Variants in MYO16 observed in about 807,000 individuals in gnomAD.
MYO16 encodes unconventional myosin-XVI.
Under a neutral mutation model 205.3 loss-of-function variants are expected in MYO16, and 94 were observed. The ratio of observed to expected loss-of-function variants is 0.46; its 90% CI spans 0.39 to 0.54. MYO16 has a LOEUF of 0.54. Ranked by LOEUF, MYO16 falls within the 20% of genes least tolerant of loss-of-function variation. The pLI is 0.00. For synonymous variants in MYO16, 988 were observed against 954.0 expected, an observed-to-expected ratio of 1.04 and a Z score of -0.66; for missense variants, 2,315 against 2,387.5, an observed-to-expected ratio of 0.97 and a Z score of 0.63.
intron 34 of MYO16, among the ~76,000 whole-genome samples, chr13:109,204,773 T>C (rs962871682): frequency 1.3e-5 from 2 of 152,204 alleles, no homozygotes; most frequent in African/African-American, 2.4e-5. Flanking sequence ...TTGGCCAGAT[T>C]ACCTGACTGC....
chr13:108,855,579 G>A (rs1307824094), intron 11 of MYO16, 26 bp downstream of exon 11: 19 of 1,459,814 alleles, frequency 1.3e-5, no homozygotes, highest in Non-Finnish European at 1.8e-5. Context: ...ATTGCCTTTT[G>A]CACTGTTTTT....
At chr13:108,982,475 C>A (rs1884478872) in intron 20 of MYO16, among the ~76,000 whole-genome samples, 1 of 152,044 alleles carries the variant, frequency 6.6e-6, no homozygotes, top group African/African-American at 2.4e-5. Flanking sequence ...CTAATAAAAG[C>A]ATAATAAGTT....
At chr13:109,186,633 A>AC (rs1566554470) in intron 34 of MYO16, among the ~76,000 whole-genome samples, 1 of 148,448 alleles carries the variant, frequency 6.7e-6, no homozygotes, top group Non-Finnish European at 1.5e-5. Flanking sequence ...CACACACACA[A>AC]ACACACACAA....
chr13:108,818,456 A>G (rs1875767427), intron 7 of MYO16, among the ~76,000 whole-genome samples: 1 of 149,282 alleles, frequency 6.7e-6, no homozygotes, highest in Non-Finnish European at 1.5e-5. Flanking sequence ...TAATAAATAA[A>G]AATAAAAAAG....
At chr13:109,159,811 C>A (rs76685315) in intron 32 of MYO16, among the ~76,000 whole-genome samples, 1 of 152,158 alleles carries the variant, frequency 6.6e-6, no homozygotes, top group East Asian at 1.9e-4. Flanking sequence ...CTGACAGGGC[C>A]GGGAAGGCAA....
chr13:108,642,991 G>A (rs1027179006), intron 1 of MYO16, among the ~76,000 whole-genome samples: 8 of 151,960 alleles, frequency 5.3e-5, no homozygotes, highest in African/African-American at 1.9e-4. Flanking sequence ...GGTCTATTTT[G>A]TTAAGTCAGG....
At chr13:109,039,584 C>T (rs917008900) in intron 23 of MYO16, among the ~76,000 whole-genome samples, 2 of 152,058 alleles carry the variant, frequency 1.3e-5, no homozygotes, top group Non-Finnish European at 2.9e-5. Context: ...CTTAACAGTG[C>T]CCTTCCAAAT....
chr13:108,583,876 A>G, the MYO16 span, among the ~76,000 whole-genome samples: 1 of 152,230 alleles, frequency 6.6e-6, no homozygotes, highest in East Asian at 1.9e-4. Context: ...AACTGTTTTG[A>G]AAAGACATTA....
At chr13:108,818,422 G>C (rs936535723) in intron 7 of MYO16, among the ~76,000 whole-genome samples, 1 of 145,624 alleles carries the variant, frequency 6.9e-6, no homozygotes, top group Non-Finnish European at 1.5e-5. Context: ...ATAAAAAAGA[G>C]AGAGATTAAT....
intron 15 of MYO16, among the ~76,000 whole-genome samples, chr13:108,907,462 C>A (rs757860658): frequency 3.3e-5 from 5 of 152,178 alleles, no homozygotes; most frequent in Non-Finnish European, 7.4e-5. Context: ...TGAACACTTA[C>A]ATGAATGCGT....
At chr13:108,925,206 T>TTAAGA (rs1881938835) in intron 16 of MYO16, among the ~76,000 whole-genome samples, 1 of 152,196 alleles carries the variant, frequency 6.6e-6, no homozygotes, top group African/African-American at 2.4e-5. Flanking sequence ...TGGGCATCCT[T>TTAAGA]TAAGATGTTT....
At chr13:108,558,797 C>T in the MYO16 span, among the ~76,000 whole-genome samples, 1 of 152,180 alleles carries the variant, frequency 6.6e-6, no homozygotes, top group South Asian at 2.1e-4. Context: ...AAACTCTAGG[C>T]AGGTGTAATA....
At chr13:108,580,870 T>C in the MYO16 span, among the ~76,000 whole-genome samples, 1 of 152,182 alleles carries the variant, frequency 6.6e-6, no homozygotes, top group African/African-American at 2.4e-5. Context: ...AATTTAGCAA[T>C]TCAGAAAATA....
intron 3 of MYO16, among the ~76,000 whole-genome samples, chr13:108,715,198 C>T (rs1233970995): frequency 1.3e-5 from 2 of 152,212 alleles, no homozygotes; most frequent in Admixed American, 6.5e-5. Flanking sequence ...AGCGCTGGCC[C>T]GTGCTCCTGC....
intron 2 of MYO16, among the ~76,000 whole-genome samples, chr13:108,673,761 T>A (rs74517324): frequency 0.03 from 4,546 of 152,234 alleles, 261 homozygotes; most frequent in East Asian, 0.15. Context: ...GAGACTTTTT[T>A]CCTGAGTTCC....
intron 27 of MYO16, among the ~76,000 whole-genome samples, chr13:109,061,133 T>C (rs1440674952): frequency 6.6e-6 from 1 of 152,168 alleles, no homozygotes; most frequent in Non-Finnish European, 1.5e-5. Context: ...TTCATAAAAT[T>C]GAAGAGTTAG....
At chr13:108,531,193 G>A in the MYO16 span, among the ~76,000 whole-genome samples, 5 of 152,168 alleles carry the variant, frequency 3.3e-5, no homozygotes, top group South Asian at 2.1e-4. Context: ...GTTAGTCCGA[G>A]GTCAGAGTAT....
intron 32 of MYO16, among the ~76,000 whole-genome samples, chr13:109,161,816 C>T (rs573393077): frequency 3.9e-5 from 6 of 152,234 alleles, no homozygotes; most frequent in East Asian, 3.9e-4. Context: ...TCATGGTGGC[C>T]GAGCACAGTG....
intron 1 of MYO16, among the ~76,000 whole-genome samples, chr13:108,638,162 C>A (rs74117294): frequency 0.012 from 1,831 of 152,174 alleles, 51 homozygotes; most frequent in African/African-American, 0.042. Context: ...AGTGAGTCAG[C>A]AACGTGAAGA....
Sources: gnomAD v4.1 joint callset for allele counts (sites outside exome capture counted in the v4.1 genomes callset) on GRCh38, gnomAD v4.1.1 for gene constraint, MANE v1.5 for transcripts, NCBI Gene and HGNC (gene_info 2026-07-23, HGNC 2026-07-21) for gene names.